GPR158: variants seen among roughly 807,000 people sequenced by gnomAD.
The protein encoded by GPR158 is G protein-coupled receptor 158.
Under a neutral mutation model 78.2 loss-of-function variants are expected in GPR158, and 30 were observed. That is an observed-to-expected ratio of 0.38 (90% CI 0.29 to 0.52). The LOEUF (loss-of-function observed/expected upper bound fraction) is 0.52. Ranked by LOEUF, GPR158 falls within the 20% of genes least tolerant of loss-of-function variation. GPR158 has a pLI of 0.83. For missense variants in GPR158, 1,463 were observed against 1,523.5 expected (o/e 0.96, Z 0.66); for synonymous variants, 581 against 591.1 (o/e 0.98, Z 0.25).
intron 4 of GPR158, among the ~76,000 whole-genome samples, chr10:25,414,182 T>C (rs919058948): frequency 6.6e-6 from 1 of 152,196 alleles, no homozygotes; most frequent in Non-Finnish European, 1.5e-5. Flanking sequence ...AGGTAAAATA[T>C]TACATTGGAT....
At chr10:25,524,157 G>A (rs545506747) in intron 5 of GPR158, among the ~76,000 whole-genome samples, 10 of 152,244 alleles carry the variant, frequency 6.6e-5, no homozygotes, top group South Asian at 4.1e-4. Context: ...ATTAAAAGGC[G>A]TTCAAGAACT....
intron 2 of GPR158, among the ~76,000 whole-genome samples, chr10:25,247,302 ATTCTTTTTTTTT>A (rs992652135): frequency 1.4e-5 from 2 of 144,816 alleles, no homozygotes; most frequent in Admixed American, 6.8e-5. Flanking sequence ...AATTCAATTT[ATTCTTTTTTTTT>A]TTCTTTTTTT....
intron 4 of GPR158, among the ~76,000 whole-genome samples, chr10:25,424,153 T>C (rs1013375836): frequency 6.6e-6 from 1 of 152,188 alleles, no homozygotes; most frequent in Non-Finnish European, 1.5e-5. Context: ...CATTTTTTCA[T>C]GTGTCTGTTG....
intron 2 of GPR158, among the ~76,000 whole-genome samples, chr10:25,391,981 T>G (rs552416571): frequency 6.6e-6 from 1 of 152,128 alleles, no homozygotes; most frequent in African/African-American, 2.4e-5. Context: ...GATCTGATGG[T>G]TTTATAAAGG....
intron 7 of GPR158, among the ~76,000 whole-genome samples, chr10:25,581,421 A>T (rs1480595717): frequency 6.6e-6 from 1 of 152,200 alleles, no homozygotes; most frequent in Non-Finnish European, 1.5e-5. Flanking sequence ...GTCTTGGCTT[A>T]GGGCTACATC....
chr10:25,239,485 G>T (rs1423999391), intron 2 of GPR158, among the ~76,000 whole-genome samples: 1 of 151,976 alleles, frequency 6.6e-6, no homozygotes, highest in Non-Finnish European at 1.5e-5. Context: ...GCAGGCACCT[G>T]TAATCCCAGA....
chr10:25,224,872 G>A (rs556515536), intron 2 of GPR158, among the ~76,000 whole-genome samples: 23 of 152,128 alleles, frequency 1.5e-4, no homozygotes, highest in East Asian at 3.9e-4. Flanking sequence ...TAAAGGAATC[G>A]GTTAAAAACC....
chr10:25,562,400 C>G (rs1222205112), intron 6 of GPR158, among the ~76,000 whole-genome samples: 2 of 152,204 alleles, frequency 1.3e-5, no homozygotes, highest in East Asian at 3.9e-4. Flanking sequence ...AGGTTATTGA[C>G]TTTTTTCATA....
At chr10:25,178,459 T>G (rs184158253) in intron 1 of GPR158, among the ~76,000 whole-genome samples, 1 of 152,324 alleles carries the variant, frequency 6.6e-6, no homozygotes, top group East Asian at 1.9e-4. Context: ...ATAGGTTGCC[T>G]AAATGAACTC....
At chr10:25,422,224 G>A (rs1036653174) in intron 4 of GPR158, among the ~76,000 whole-genome samples, 9 of 152,068 alleles carry the variant, frequency 5.9e-5, no homozygotes, top group African/African-American at 2.2e-4. Flanking sequence ...ATTGAACATG[G>A]CCCACTTTTT....
intron 2 of GPR158, among the ~76,000 whole-genome samples, chr10:25,337,573 C>T (rs1280985161): frequency 3.3e-5 from 5 of 152,084 alleles, no homozygotes; most frequent in African/African-American, 4.8e-5. Context: ...TTTTTGGCTA[C>T]TATAAATGAT....
In GPR158 at chr10:25,601,447, C is replaced by A. The variant is rs1430211199; in HGVS notation, c.*2173C>A. The A allele has an allele frequency of 6.6e-5, 10 of 152,560 alleles. No homozygotes were observed. Among genetic ancestry groups the A allele is most frequent in the Non-Finnish European group, 1.5e-4 (10 of 68,032 alleles). The allele number at this position is 152,560 out of a possible 1,614,324, so 9.5% of individuals were successfully genotyped here. On this transcript the variant is annotated 3_prime_UTR_variant, in exon 11 of 11. Transcript: ENST00000376351. The stretch of plus-strand genomic sequence containing the variant: ...AGTTCCTAGACCCACATATTTGTTT[C>A]ATTTATGTCTGAAATCTGTTAGCAC...
chr10:25,364,621 T>C (rs1855692548), intron 2 of GPR158, among the ~76,000 whole-genome samples: 1 of 151,902 alleles, frequency 6.6e-6, no homozygotes, highest in Non-Finnish European at 1.5e-5. Context: ...AATGGTACTT[T>C]TAAGAGTTTC....
intron 2 of GPR158, among the ~76,000 whole-genome samples, chr10:25,246,718 G>A (rs368751510): frequency 2.6e-5 from 4 of 152,270 alleles, no homozygotes; most frequent in Admixed American, 6.5e-5. Context: ...GGCTTTTAAA[G>A]CAATTAATAA....
Position 25,339,277 on chromosome 10 carries a change from A to G in GPR158, c.1009-56634A>G, listed in dbSNP as rs965573685. Among the ~76,000 whole-genome samples the G allele has an allele frequency of 5.3e-5, 8 of 152,046 alleles. No individual in the cohort carries two copies. The East Asian group carries it at 1.2e-3, about 22-fold the overall frequency. On this transcript the variant is annotated intron_variant, in intron 2 of 10. Transcript: ENST00000376351. ...GCTAGAATTACAGGCATCAGCCACCAGGCCTAGCTATTTCTAAATTTTTTA... is the reference window on the plus strand; with the variant it reads ...GCTAGAATTACAGGCATCAGCCACCGGGCCTAGCTATTTCTAAATTTTTTA...
chr10:25,385,377 A>G (rs1834208688), intron 2 of GPR158, among the ~76,000 whole-genome samples: 2 of 151,452 alleles, frequency 1.3e-5, no homozygotes, highest in Admixed American at 1.3e-4. Flanking sequence ...GTTGATGGGT[A>G]TTTGGGTTAC....
At chr10:25,483,428 A>C (rs549028139) in intron 5 of GPR158, among the ~76,000 whole-genome samples, 8 of 152,004 alleles carry the variant, frequency 5.3e-5, no homozygotes, top group African/African-American at 1.9e-4. Flanking sequence ...GCTCACCCCG[A>C]CTACCCGACT....
At chr10:25,276,456 A>C (rs1854184761) in intron 2 of GPR158, among the ~76,000 whole-genome samples, 1 of 152,236 alleles carries the variant, frequency 6.6e-6, no homozygotes. Context: ...TGCCCTCCCA[A>C]TTATGTGATA....
At chr10:25,256,591 G>A (rs11014472) in intron 2 of GPR158, among the ~76,000 whole-genome samples, 10 of 129,540 alleles carry the variant, frequency 7.7e-5, no homozygotes, top group East Asian at 6.9e-4. Flanking sequence ...AGGCTGAGGC[G>A]GTAGGAGTGC....
Sources: gnomAD v4.1 joint callset for allele counts (sites outside exome capture counted in the v4.1 genomes callset) on GRCh38, gnomAD v4.1.1 for gene constraint, MANE v1.5 for transcripts, NCBI Gene and HGNC (gene_info 2026-07-23, HGNC 2026-07-21) for gene names.